Variants in C10orf90 observed in about 807,000 individuals in gnomAD.
C10orf90 encodes (E2-independent) E3 ubiquitin-conjugating enzyme FATS.
Under a neutral mutation model 62.5 loss-of-function variants are expected in C10orf90, and 56 were observed. The ratio of observed to expected loss-of-function variants is 0.90; its 90% CI spans 0.72 to 1.12. The LOEUF (loss-of-function observed/expected upper bound fraction) is 1.12, where lower values mean the gene tolerates loss of function less well. C10orf90 is among the 50% of genes most tolerant of loss of function. The pLI is 0.00. For synonymous variants in C10orf90, 386 were observed against 340.4 expected (o/e 1.13, Z -1.47); for missense variants, 970 against 880.4 (o/e 1.10, Z -1.29).
At chr10:126,602,100 A>T (rs929714706) in intron 2 of C10orf90, among the ~76,000 whole-genome samples, 1 of 152,106 alleles carries the variant, frequency 6.6e-6, no homozygotes, top group Admixed American at 6.5e-5. Flanking sequence ...GTCCCTCCCA[A>T]TGAGGCCCAC....
chr10:126,633,017 C>T (rs1464462420), intron 2 of C10orf90, among the ~76,000 whole-genome samples: 1 of 152,150 alleles, frequency 6.6e-6, no homozygotes, highest in East Asian at 1.9e-4. Context: ...GCAACAGATA[C>T]CTGAATCCCA....
intron 1 of C10orf90, among the ~76,000 whole-genome samples, chr10:126,657,182 C>A (rs1846411911): frequency 1.3e-5 from 2 of 152,004 alleles, no homozygotes; most frequent in African/African-American, 4.8e-5. Flanking sequence ...ACATAAAATT[C>A]ACCATTTAAA....
rs141259223 is a variant in C10orf90 at position 126,642,068 on chromosome 10, T to C, written c.313+4497A>G. 9.6e-3 allele frequency among the ~76,000 whole-genome samples: 1,462 copies of C among 152,324 alleles called. 9 individuals are homozygous for C. Among genetic ancestry groups the C allele is most frequent in the Non-Finnish European group, 0.015 (1,049 of 68,032 alleles). Reference sequence around the variant, plus strand: ...ACAAATACCCCACTGATGGAGCTGCTGCTGGAGGCTACCACCCGCATCACT... The same window carrying C: ...ACAAATACCCCACTGATGGAGCTGCCGCTGGAGGCTACCACCCGCATCACT... On this transcript the variant is annotated intron_variant, in intron 2 of 9. Coordinates refer to ENST00000488181, the MANE Select transcript of C10orf90 (RefSeq NM_001350921.2).
intron 4 of C10orf90, among the ~76,000 whole-genome samples, chr10:126,500,541 T>C (rs1862317423): frequency 6.6e-6 from 1 of 152,156 alleles, no homozygotes; most frequent in African/African-American, 2.4e-5. Flanking sequence ...ATGGTGATGA[T>C]GACAAGAATG....
intron 2 of C10orf90, among the ~76,000 whole-genome samples, chr10:126,517,948 C>T (rs972562493): frequency 6.7e-6 from 1 of 148,468 alleles, no homozygotes; most frequent in South Asian, 2.1e-4. Context: ...AAGGTCAGGA[C>T]AACTCTGCCT....
Position 126,601,778 on chromosome 10 carries a change from G to A in C10orf90, c.313+44787C>T, listed in dbSNP as rs73386842. Reference sequence around the variant, plus strand: ...CCTCCTAAAGAATAGCGGGGACCCCGCCAAAGCCACTGAGGCCTGGATGCC... The same window carrying A: ...CCTCCTAAAGAATAGCGGGGACCCCACCAAAGCCACTGAGGCCTGGATGCC... On this transcript the variant is annotated intron_variant, in intron 2 of 9. Coordinates refer to ENST00000488181, the MANE Select transcript of C10orf90 (RefSeq NM_001350921.2). Among the ~76,000 whole-genome samples the A allele has an allele frequency of 6.5e-3, 988 of 152,350 alleles. 12 individuals carry two copies. The highest frequency in any genetic ancestry group is 0.022 in the African/African-American group (933 of 41,584).
At position 126,512,372 on chromosome 10, in the gene C10orf90, CTGTGTGTGTGTGTCTGTGTG is replaced by C. The variant is rs1564847024; in HGVS notation, c.405+1456_405+1475del. 4.6e-5 allele frequency among the ~76,000 whole-genome samples: 3 copies of C among 65,010 alleles called. No individual in the cohort carries two copies. The East Asian group carries it at 1.9e-3, about 41-fold the overall frequency. 42.6% of individuals were successfully genotyped at this position (65,010 alleles called of 152,430 possible). A position where few individuals can be genotyped will look rare whatever the true frequency, so the allele number is the denominator to read the frequency against. Reference sequence around the variant, plus strand: ...TGTCTGTGTGTGTGTGTATGTGTGTCTGTGTGTGTGTGTCTGTGTGTGTGTGTGTGTCTGTGTGTCTGTGT... The same window carrying C: ...TGTCTGTGTGTGTGTGTATGTGTGTCTGTGTGTGTGTCTGTGTGTCTGTGT... On this transcript the variant is annotated intron_variant, in intron 3 of 9. Transcript: ENST00000488181.
intron 2 of C10orf90, among the ~76,000 whole-genome samples, chr10:126,524,234 T>A (rs1354669054): frequency 6.6e-6 from 1 of 152,192 alleles, no homozygotes; most frequent in African/African-American, 2.4e-5. Context: ...TTAAAAACAT[T>A]CCTTCCTCCC....
chr10:126,662,441 C>T (rs906806600), intron 1 of C10orf90, among the ~76,000 whole-genome samples: 1 of 152,194 alleles, frequency 6.6e-6, no homozygotes, highest in Non-Finnish European at 1.5e-5. Flanking sequence ...GATTAATTTT[C>T]AGCCAGACTT....
intron 1 of C10orf90, among the ~76,000 whole-genome samples, chr10:126,650,891 C>T (rs1329562079): frequency 6.6e-6 from 1 of 152,164 alleles, no homozygotes; most frequent in Non-Finnish European, 1.5e-5. Context: ...TTCCACCCCC[C>T]AGCCACCTGC....
chr10:126,491,765 A>G (rs1006282843), intron 4 of C10orf90, among the ~76,000 whole-genome samples: 3 of 152,258 alleles, frequency 2.0e-5, no homozygotes, highest in Admixed American at 1.3e-4. Flanking sequence ...CCAGAATTAA[A>G]TGTGTGATTG....
intron 8 of C10orf90, among the ~76,000 whole-genome samples, chr10:126,426,912 T>C (rs1857300811): frequency 6.6e-6 from 1 of 152,242 alleles, no homozygotes; most frequent in Non-Finnish European, 1.5e-5. Context: ...TATTGGACAC[T>C]AGGCTTGAAT....
intron 2 of C10orf90, among the ~76,000 whole-genome samples, chr10:126,571,019 C>G (rs537879508): frequency 6.6e-6 from 1 of 152,298 alleles, no homozygotes; most frequent in South Asian, 2.1e-4. Context: ...TGTGCTCAGC[C>G]CACAGCTTTA....
intron 2 of C10orf90, among the ~76,000 whole-genome samples, chr10:126,516,425 C>T (rs1863441849): frequency 6.6e-6 from 1 of 152,192 alleles, no homozygotes; most frequent in Non-Finnish European, 1.5e-5. Context: ...AGTCCCAGCA[C>T]CTGAATCCCA....
intron 4 of C10orf90, among the ~76,000 whole-genome samples, chr10:126,502,118 C>A (rs995198368): frequency 5.7e-5 from 8 of 141,260 alleles, no homozygotes; most frequent in South Asian, 2.2e-4. Flanking sequence ...CACACACACA[C>A]CACACACACA....
At chr10:126,557,084 G>A (rs1352274405) in intron 2 of C10orf90, among the ~76,000 whole-genome samples, 1 of 151,328 alleles carries the variant, frequency 6.6e-6, no homozygotes, top group Non-Finnish European at 1.5e-5. Context: ...TAGAATGATG[G>A]TCTCAGGTGA....
At chr10:126,481,741 C>T (rs1450540168) in intron 4 of C10orf90, among the ~76,000 whole-genome samples, 1 of 152,170 alleles carries the variant, frequency 6.6e-6, no homozygotes, top group Admixed American at 6.5e-5. Flanking sequence ...CGTTCATCCT[C>T]CTCCAGGGCA....
chr10:126,601,803 C>T (rs1018118578), intron 2 of C10orf90, among the ~76,000 whole-genome samples: 4 of 152,242 alleles, frequency 2.6e-5, no homozygotes, highest in African/African-American at 7.2e-5. Context: ...GCCTGGATGC[C>T]GGTGGAGGGA....
chr10:126,452,131 A>C (rs1302331254), intron 7 of C10orf90, among the ~76,000 whole-genome samples: 1 of 152,208 alleles, frequency 6.6e-6, no homozygotes, highest in Non-Finnish European at 1.5e-5. Context: ...ACCTGCATTT[A>C]ATAATTTCAC....
Sources: allele counts gnomAD v4.1 joint callset (sites outside exome capture counted in the v4.1 genomes callset), GRCh38; gene constraint gnomAD v4.1.1; transcripts MANE v1.5; gene names NCBI Gene and HGNC (gene_info 2026-07-23, HGNC 2026-07-21).